QRFPR: variants seen among roughly 807,000 people sequenced by gnomAD.
QRFPR encodes pyroglutamylated RFamide peptide receptor.
QRFPR carries 37 observed loss-of-function variants against 31.3 expected under a neutral mutation model. The observed-to-expected ratio is 1.18, with a 90% CI of 0.91 to 1.56. QRFPR has a LOEUF of 1.56. QRFPR is among the 40% of genes most tolerant of loss of function. The pLI is 0.00. For missense variants in QRFPR, 542 were observed against 532.5 expected (o/e 1.02, Z -0.18); for synonymous variants, 197 against 192.0 (o/e 1.03, Z -0.22).
At chr4:121,353,243 C>A (rs1016612479) in intron 1 of QRFPR, among the ~76,000 whole-genome samples, 4 of 151,990 alleles carry the variant, frequency 2.6e-5, no homozygotes, top group Non-Finnish European at 5.9e-5. Flanking sequence ...AGCAGTGGGA[C>A]TGCTGGATTG....
chr4:121,341,784 A>C (rs1034105415), intron 1 of QRFPR, among the ~76,000 whole-genome samples: 2 of 152,050 alleles, frequency 1.3e-5, no homozygotes, highest in Non-Finnish European at 2.9e-5. Context: ...AATCTGAAAC[A>C]CCTCTGGTCT....
At chr4:121,377,599 T>A (rs529028933) in intron 1 of QRFPR, among the ~76,000 whole-genome samples, 7 of 152,112 alleles carry the variant, frequency 4.6e-5, no homozygotes, top group African/African-American at 1.7e-4. Flanking sequence ...CTGGAAAGAG[T>A]CTAAATTATT....
At chr4:121,369,635 C>A in intron 1 of QRFPR, 1 of 1,604,776 alleles carries the variant, frequency 6.2e-7, no homozygotes, top group East Asian at 2.2e-5. Flanking sequence ...GGTGGCAAAA[C>A]TTCCAGAATC....
chr4:121,348,941 C>T (rs761670173), intron 1 of QRFPR, among the ~76,000 whole-genome samples: 1 of 151,876 alleles, frequency 6.6e-6, no homozygotes, highest in African/African-American at 2.4e-5. Context: ...ACTAAAAATA[C>T]AAAAAATTAG....
intron 4 of QRFPR, among the ~76,000 whole-genome samples, chr4:121,332,229 A>G (rs549251692): frequency 1.3e-5 from 2 of 152,362 alleles, no homozygotes; most frequent in East Asian, 1.9e-4. Context: ...GATATGGACT[A>G]CAAGTATCAT....
At chr4:121,358,037 T>C (rs72668974) in intron 1 of QRFPR, among the ~76,000 whole-genome samples, 6,662 of 152,226 alleles carry the variant, frequency 0.044, 226 homozygotes, top group East Asian at 0.11. Flanking sequence ...AGACTAGACA[T>C]GAAACAATAT....
chr4:121,344,185 G>A (rs2110471757), intron 1 of QRFPR, among the ~76,000 whole-genome samples: 1 of 152,288 alleles, frequency 6.6e-6, no homozygotes, highest in South Asian at 2.1e-4. Flanking sequence ...TTATTTCCCA[G>A]AGAAAGACAC....
intron 1 of QRFPR, among the ~76,000 whole-genome samples, chr4:121,364,846 G>C (rs1408623005): frequency 6.7e-6 from 1 of 149,464 alleles, no homozygotes; most frequent in Non-Finnish European, 1.5e-5. Context: ...TAAAAACATA[G>C]AATAAACCAA....
chr4:121,365,522 T>TA (rs1560743491), intron 1 of QRFPR, among the ~76,000 whole-genome samples: 4 of 6,868 alleles, frequency 5.8e-4, no homozygotes, highest in African/African-American at 5.2e-3. Context: ...ATATATTATA[T>TA]ATATTATATA....
intron 1 of QRFPR, among the ~76,000 whole-genome samples, chr4:121,354,832 G>C (rs1725834285): frequency 6.6e-6 from 1 of 151,916 alleles, no homozygotes; most frequent in Non-Finnish European, 1.5e-5. Context: ...TGATCATATG[G>C]TTTTTGTCTT....
Position 121,372,009 on chromosome 4 carries a change from G to A in QRFPR, c.340+8299C>T, listed in dbSNP as rs568977713. Among the ~76,000 whole-genome samples the A allele has an allele frequency of 2.0e-5, 3 of 152,334 alleles. No individual in the cohort carries two copies. In the South Asian group the frequency reaches 6.2e-4, roughly 32 times the overall value. ...ATGGGCAATGGGTTGCCCTGCTGGG[G>A]AGGAGCAACCCTTAAACCACGGCCA... On this transcript the variant is annotated intron_variant, in intron 1 of 5. Coordinates refer to ENST00000394427, the MANE Select transcript of QRFPR (RefSeq NM_198179.3).
Position 121,329,676 on chromosome 4 carries a change from T to G in QRFPR, c.934A>C (p.Met312Leu), listed in dbSNP as rs75107170. The change falls in exon 6 of 6, where the codon ATG becomes CTG. Residue 312 changes from methionine to leucine, a missense_variant. Coordinates refer to ENST00000394427, the MANE Select transcript of QRFPR (RefSeq NM_198179.3). ...EKEYDDVTIK[M>L]IFAIVQIIGF... Reference sequence around the variant, plus strand: ...ATAATTTGCACGATAGCAAAAATCATCTTGATTGTGACATCATCATATTCC... The same window carrying G: ...ATAATTTGCACGATAGCAAAAATCAGCTTGATTGTGACATCATCATATTCC... 5.1e-6 allele frequency: 8 copies of G among 1,571,512 alleles called. No homozygotes were observed. The highest frequency in any genetic ancestry group is 6.9e-6 in the Non-Finnish European group (8 of 1,158,824).
chr4:121,370,818 G>T (rs932693934), intron 1 of QRFPR, among the ~76,000 whole-genome samples: 4 of 152,198 alleles, frequency 2.6e-5, no homozygotes, highest in African/African-American at 9.7e-5. Flanking sequence ...CAAATGGGAA[G>T]TAAGAAGAAC....
intron 1 of QRFPR, chr4:121,370,430 A>G (rs1579590449): frequency 3.3e-6 from 2 of 612,410 alleles, no homozygotes; most frequent in African/African-American, 3.7e-5. Context: ...TGACAGATGG[A>G]TGTTAATGAG....
At position 121,380,811 on chromosome 4, in the gene QRFPR, G is replaced by A. The variant is rs761336531; in HGVS notation, c.-164C>T. 1.6e-6 allele frequency: 1 copy of A among 618,488 alleles called. No homozygotes were observed. The highest frequency in any genetic ancestry group is 2.1e-5 in the South Asian group (1 of 46,932). The allele number at this position is 618,488 out of a possible 1,614,324, so 38.3% of individuals were successfully genotyped here. On this transcript the variant is annotated 5_prime_UTR_variant, in exon 1 of 6. Transcript: ENST00000394427. ...CTAGGCTGCACCCCGGGAGGTTCGG[G>A]AAAGGAGAGCAGCTCAGGGATCAAA...
intron 1 of QRFPR, among the ~76,000 whole-genome samples, chr4:121,350,984 T>C (rs1725751309): frequency 6.6e-6 from 1 of 152,208 alleles, no homozygotes; most frequent in South Asian, 2.1e-4. Context: ...TGTTCTCCTT[T>C]ATTCTTGGGC....
At chr4:121,330,248 A>C (rs527361276) in intron 5 of QRFPR, among the ~76,000 whole-genome samples, 178 bp downstream of exon 5, 11 of 152,360 alleles carry the variant, frequency 7.2e-5, no homozygotes, top group Admixed American at 1.3e-4. Context: ...ATTTAGTCAT[A>C]GTCATACACA....
chr4:121,377,365 T>C (rs1246140928), intron 1 of QRFPR, among the ~76,000 whole-genome samples: 5 of 152,072 alleles, frequency 3.3e-5, no homozygotes, highest in Non-Finnish European at 7.4e-5. Flanking sequence ...CTGAAGGAAT[T>C]TGAGGGGTAT....
intron 1 of QRFPR, among the ~76,000 whole-genome samples, chr4:121,364,768 G>C (rs1275217217): frequency 6.7e-6 from 1 of 150,168 alleles, no homozygotes; most frequent in Non-Finnish European, 1.5e-5. Flanking sequence ...ACCTAGCCTG[G>C]TCTTTCTGGA....
Sources: allele counts gnomAD v4.1 joint callset (sites outside exome capture counted in the v4.1 genomes callset), GRCh38; gene constraint gnomAD v4.1.1; transcripts MANE v1.5; gene names NCBI Gene and HGNC (gene_info 2026-07-23, HGNC 2026-07-21).